The following CPT1C variants were observed in gnomAD, a reference collection of about 807,000 sequenced individuals.
CPT1C encodes palmitoyl thioesterase CPT1C.
Under a neutral mutation model 97.3 loss-of-function variants are expected in CPT1C, and 61 were observed. The ratio of observed to expected loss-of-function variants is 0.63; its 90% CI spans 0.51 to 0.78. The LOEUF (loss-of-function observed/expected upper bound fraction) is 0.78. CPT1C is among the 30% of genes least tolerant of loss of function. The pLI is 0.00. For missense variants in CPT1C, 975 were observed against 1,065.5 expected (o/e 0.92, Z 1.18); for synonymous variants, 469 against 447.2 (o/e 1.05, Z -0.61).
At chr19:49,691,442 C>T (rs2082341456) in intron 1 of CPT1C, 102 bp downstream of exon 1, 2 of 152,054 alleles carry the variant, frequency 1.3e-5, no homozygotes, top group Admixed American at 6.6e-5. Context: ...CGACGCTCGC[C>T]TCCGCTCACA....
chr19:49,707,977 T>TGGGC, intron 13 of CPT1C, among the ~76,000 whole-genome samples: 1 of 120,388 alleles, frequency 8.3e-6, no homozygotes, highest in Non-Finnish European at 1.6e-5. Flanking sequence ...TACTTCAGCC[T>TGGGC]GGGCGACAGA....
Position 49,713,453 on chromosome 19 carries a change from G to A in CPT1C, c.2260G>A (p.Ala754Thr), listed in dbSNP as rs554107289. The A allele has an allele frequency of 3.1e-6, 5 of 1,613,974 alleles. No homozygotes were observed. Among genetic ancestry groups the A allele is most frequent in the Admixed American group, 3.3e-5 (2 of 59,994 alleles). Residue 754 changes from alanine (A) to threonine (T), a missense_variant, in exon 20 of 20, where the codon GCA becomes ACA. By Grantham distance (58) the Ala-to-Thr change is moderately conservative. Around this residue, in one of 3 missense-constraint regions of CPT1C, gnomAD observed 344 missense variants for 395.7 expected, o/e 0.87. Transcript: ENST00000598293. ...CAGGCTGGGGCAGCACATTGAGGACGCACTGCTGGATGTGGCCTCCCTGTT... is the reference window on the plus strand; with the variant it reads ...CAGGCTGGGGCAGCACATTGAGGACACACTGCTGGATGTGGCCTCCCTGTT... The part of the protein sequence containing the change: ...SHRLGQHIED[A>T]LLDVASLFQA...
Position 49,705,916 on chromosome 19 carries a change from C to T in CPT1C, c.972C>T (p.Ile324=). The change falls in exon 11 of 20, where the codon ATC becomes ATT. Residue 324 remains isoleucine, a synonymous_variant. Coordinates refer to ENST00000598293, the MANE Select transcript of CPT1C (RefSeq NM_001199753.2). ...TRIPGVQKDY[I]RHLHDSQHVA... ...TGCCAACGCCACCCCTAGACTACATCCGCCACCTCCATGACAGCCAACACG... is the reference window on the plus strand; with the variant it reads ...TGCCAACGCCACCCCTAGACTACATTCGCCACCTCCATGACAGCCAACACG... 1.2e-6 allele frequency: 2 copies of T among 1,613,246 alleles called. No homozygotes were observed. The highest frequency in any genetic ancestry group is 1.1e-5 in the South Asian group (1 of 91,020).
rs1278934405 is a variant in CPT1C at position 49,706,139 on chromosome 19, G to A, written c.1160+35G>A. 1.1e-5 allele frequency: 18 copies of A among 1,590,064 alleles called. No individual in the cohort carries two copies. The highest frequency in any genetic ancestry group is 1.4e-5 in the Non-Finnish European group (16 of 1,166,802). On this transcript the variant is annotated intron_variant, in intron 11 of 19. Transcript: ENST00000598293. This position sits in a 1 kb window ranked among gnomAD's most constrained non-coding sequence, Gnocchi z 4.8. The stretch of plus-strand genomic sequence containing the variant: ...AGGGGTCAGGGGTCAGGGGCTCTCA[G>A]AGGCCGCCAGTGTCCTGAGACTGTG...
chr19:49,701,953 AATAT>A (rs1568520306), intron 7 of CPT1C, among the ~76,000 whole-genome samples: 1 of 78,192 alleles, frequency 1.3e-5, no homozygotes, highest in South Asian at 3.6e-4. Context: ...TTTATATATA[AATAT>A]ATTTATATAT....
At chr19:49,712,882 G>A in intron 18 of CPT1C, 33 bp downstream of exon 18, 1 of 1,596,358 alleles carries the variant, frequency 6.3e-7, no homozygotes, top group South Asian at 1.1e-5. Context: ...GCCCCCAGAG[G>A]AAAGAGGGGG....
intron 5 of CPT1C, 78 bp downstream of exon 5, chr19:49,700,933 CCTCTCTCTGGGTCTCTGTCCCT>C (rs1317309109): frequency 6.5e-5 from 97 of 1,483,494 alleles, no homozygotes; most frequent in African/African-American, 3.8e-4. Context: ...TCTCTGTCCC[CCTCTCTCTGGGTCTCTGTCCCT>C]CTCTCTCTGG....
chr19:49,691,444 C>G (rs1314823120), intron 1 of CPT1C, 104 bp downstream of exon 1: 2 of 152,030 alleles, frequency 1.3e-5, no homozygotes, highest in Non-Finnish European at 2.9e-5. Context: ...ACGCTCGCCT[C>G]CGCTCACAGC....
chr19:49,701,450 C>T (rs563947166), intron 6 of CPT1C, 32 bp downstream of exon 6: 74 of 1,587,268 alleles, frequency 4.7e-5, no homozygotes, highest in Non-Finnish European at 6.3e-5. Context: ...CGGGCTGGGG[C>T]GGCCGGGGCG....
At chr19:49,712,610 T>G (rs1273215612) in intron 17 of CPT1C, 126 bp from the exon 18 acceptor site, 5 of 683,122 alleles carry the variant, frequency 7.3e-6, no homozygotes, top group Non-Finnish European at 1.3e-5. Flanking sequence ...GAGAAGGGCG[T>G]GGTTAGGGAG....
chr19:49,694,648 G>C (rs1356523028), intron 3 of CPT1C, among the ~76,000 whole-genome samples: 2 of 151,400 alleles, frequency 1.3e-5, no homozygotes, highest in African/African-American at 2.4e-5. Flanking sequence ...AAAAAAAAAG[G>C]GGGTGGGAGC....
At chr19:49,701,955 T>TTTATAAATAAATATATAA (rs2083119229) in intron 7 of CPT1C, among the ~76,000 whole-genome samples, 1 of 88,508 alleles carries the variant, frequency 1.1e-5, no homozygotes, top group Non-Finnish European at 1.8e-5. Flanking sequence ...TATATATAAA[T>TTTATAAATAAATATATAA]ATATTTATAT....
intron 17 of CPT1C, chr19:49,712,368 A>C: frequency 3.3e-6 from 1 of 300,216 alleles, no homozygotes; most frequent in Non-Finnish European, 6.2e-6. Flanking sequence ...AAGGAGGGTG[A>C]TGTTGAGAAA....
Position 49,710,314 on chromosome 19 carries a change from T to G in CPT1C, c.1567-6T>G, listed in dbSNP as rs1254715819. 1 of 1,613,498 alleles carries G rather than the reference T, an allele frequency of 6.2e-7. No individual in the cohort carries two copies. The highest frequency in any genetic ancestry group is 8.5e-7 in the Non-Finnish European group (1 of 1,179,456). On this transcript the variant is annotated splice_region_variant and splice_polypyrimidine_tract_variant and intron_variant, in intron 14 of 19. Coordinates refer to ENST00000598293, the MANE Select transcript of CPT1C (RefSeq NM_001199753.2). ...CAACTACTCCTCTTCCCTCCTCCTC[T>G]GGCAGATCCACTCCTCCATCTCTCT... is the stretch of plus-strand genomic sequence containing the variant.
At position 49,712,477 on chromosome 19, in the gene CPT1C, G is replaced by T. The variant is rs552602609; in HGVS notation, c.2020-259G>T. On this transcript the variant is annotated intron_variant, in intron 17 of 19. Transcript: ENST00000598293. ...GCAGACAAAAGGGGAGAGGGTCAGTGGGGTGGGGATAAGAGGAAAGGGCGT... is the reference window on the plus strand; with the variant it reads ...GCAGACAAAAGGGGAGAGGGTCAGTTGGGTGGGGATAAGAGGAAAGGGCGT... 514 of 516,964 alleles carry T rather than the reference G, an allele frequency of 9.9e-4. 2 individuals are homozygous for T. Among genetic ancestry groups the T allele is most frequent in the Admixed American group, 2.6e-3 (78 of 30,080 alleles). The allele number at this position is 516,964 out of a possible 1,614,324, so 32.0% of individuals were successfully genotyped here.
chr19:49,693,154 A>G (rs958796404), intron 3 of CPT1C, among the ~76,000 whole-genome samples: 3 of 152,182 alleles, frequency 2.0e-5, no homozygotes, highest in African/African-American at 7.2e-5. Context: ...CTTGGGTTAC[A>G]GGAATGAGCC....
Position 49,710,798 on chromosome 19 carries a change from C to A in CPT1C, c.1807C>A (p.Arg603=), listed in dbSNP as rs761961236. 1.2e-6 allele frequency: 2 copies of A among 1,613,800 alleles called. No individual in the cohort carries two copies. The highest frequency in any genetic ancestry group is 1.1e-5 in the South Asian group (1 of 91,082). The change falls in exon 16 of 20, where the codon CGG becomes AGG. Residue 603 remains arginine (R), a synonymous_variant. Coordinates refer to ENST00000598293, the MANE Select transcript of CPT1C (RefSeq NM_001199753.2). ...LFLEGRTETV[R]SCTREACNFV... ...CCTGGAAGGCCGGACGGAGACGGTG[C>A]GGTCTTGCACGAGGGAGGCCTGCAA...
In CPT1C at chr19:49,705,220, C is replaced by G; in HGVS notation, c.886C>G (p.Leu296Val). 3 of 1,614,122 alleles carry G rather than the reference C, an allele frequency of 1.9e-6. No homozygotes were observed. In the South Asian group the frequency reaches 3.3e-5, roughly 18 times the overall value. ...AGCCCACGGTTTCCTGCAGACTTTGCTGATGGGAATGCGCCCCTTATGCTC... is the reference window on the plus strand; with the variant it reads ...AGCCCACGGTTTCCTGCAGACTTTGGTGATGGGAATGCGCCCCTTATGCTC... ...LNRQEIPPTL[L>V]MGMRPLCSAQ... Residue 296 changes from leucine to valine, a missense_variant, in exon 10 of 20, where the codon CTG (leucine) becomes GTG (valine). Coordinates refer to ENST00000598293, the MANE Select transcript of CPT1C (RefSeq NM_001199753.2).
At position 49,701,344 on chromosome 19, in the gene CPT1C, C is replaced by T; in HGVS notation, c.481C>T (p.His161Tyr). 6.2e-7 allele frequency: 1 copy of T among 1,613,538 alleles called. No homozygotes were observed. Among genetic ancestry groups the T allele is most frequent in the Non-Finnish European group, 8.5e-7 (1 of 1,179,926 alleles). The change falls in exon 6 of 20, where the codon CAC (histidine) becomes TAC (tyrosine). Residue 161 changes from histidine (H) to tyrosine (Y), a missense_variant. Around this residue, in one of 3 missense-constraint regions of CPT1C, gnomAD observed 596 missense variants for 603.1 expected, o/e 0.99. Transcript: ENST00000598293. ...LALVRIFSGR[H>Y]PMLFSYQRSL... ...CCTGGTCCGCATCTTCTCTGGCCGC[C>T]ACCCGATGCTGTTCAGTTACCAGCG...
Sources: gnomAD v4.1 joint callset for allele counts (sites outside exome capture counted in the v4.1 genomes callset) on GRCh38, gnomAD v4.1.1 for gene constraint, gnomAD v4.1.1 regional missense constraint, Gnocchi (gnomAD v3.1) non-coding constraint, MANE v1.5 for transcripts, NCBI Gene and HGNC (gene_info 2026-07-23, HGNC 2026-07-21) for gene names.